The following KCNQ3 variants were observed in gnomAD, a reference collection of about 807,000 sequenced individuals.
KCNQ3 encodes potassium voltage-gated channel subfamily KQT member 3.
Under a neutral mutation model 92.5 loss-of-function variants are expected in KCNQ3, and 30 were observed. That is an observed-to-expected ratio of 0.32 (90% CI 0.24 to 0.44). KCNQ3 has a LOEUF of 0.44. Among genes scored for constraint, KCNQ3 ranks in the 20% least tolerant of loss-of-function variants. The pLI, the probability that KCNQ3 is intolerant of heterozygous loss-of-function variation, is 1.00. For missense variants in KCNQ3, 913 were observed against 1,140.3 expected (o/e 0.80, Z 2.87); for synonymous variants, 450 against 468.8 (o/e 0.96, Z 0.52).
intron 1 of KCNQ3, among the ~76,000 whole-genome samples, chr8:132,308,585 A>G (rs1817502481): frequency 6.6e-6 from 1 of 152,188 alleles, no homozygotes; most frequent in Non-Finnish European, 1.5e-5. Flanking sequence ...GAAATCAGAC[A>G]CTGTGATTCA....
chr8:132,155,575 G>A (rs1319373010), intron 9 of KCNQ3, among the ~76,000 whole-genome samples: 1 of 152,190 alleles, frequency 6.6e-6, no homozygotes, highest in Non-Finnish European at 1.5e-5. Context: ...ATATAGATGA[G>A]GAAACTGAAG....
chr8:132,190,189 C>T (rs998819127), intron 1 of KCNQ3, among the ~76,000 whole-genome samples: 5 of 152,122 alleles, frequency 3.3e-5, no homozygotes, highest in African/African-American at 4.8e-5. Context: ...CCCTGTACCT[C>T]GGATATGTAT....
intron 1 of KCNQ3, among the ~76,000 whole-genome samples, chr8:132,407,944 G>T (rs1181980402): frequency 6.6e-6 from 1 of 152,104 alleles, no homozygotes; most frequent in Non-Finnish European, 1.5e-5. Context: ...ATGGGGTGGA[G>T]GCTTCAATAA....
intron 1 of KCNQ3, among the ~76,000 whole-genome samples, chr8:132,310,092 C>T (rs894679196): frequency 6.6e-6 from 1 of 152,168 alleles, no homozygotes; most frequent in Non-Finnish European, 1.5e-5. Flanking sequence ...ATCTACTGGC[C>T]TCAGAATGTG....
intron 1 of KCNQ3, among the ~76,000 whole-genome samples, chr8:132,432,251 G>A (rs192730934): frequency 4.6e-5 from 7 of 151,804 alleles, no homozygotes; most frequent in Middle Eastern, 3.4e-3. Context: ...AATTGGAATC[G>A]AATTAATCAG....
At chr8:132,234,975 A>G (rs189003513) in intron 1 of KCNQ3, among the ~76,000 whole-genome samples, 12 of 152,358 alleles carry the variant, frequency 7.9e-5, no homozygotes. Context: ...TTATGAATAT[A>G]TTCAAAATCA....
chr8:132,187,262 G>C (rs1210961086), intron 1 of KCNQ3: 1 of 455,890 alleles, frequency 2.2e-6, no homozygotes, highest in Non-Finnish European at 4.4e-6. Flanking sequence ...TGCGCATACA[G>C]AGCTGGAATT....
At chr8:132,458,243 C>A (rs1279132284) in intron 1 of KCNQ3, among the ~76,000 whole-genome samples, 1 of 152,176 alleles carries the variant, frequency 6.6e-6, no homozygotes, top group Non-Finnish European at 1.5e-5. Flanking sequence ...TCCCAGCAAC[C>A]AACAACAGTT....
chr8:132,331,713 T>A (rs569187643), intron 1 of KCNQ3, among the ~76,000 whole-genome samples: 1 of 152,328 alleles, frequency 6.6e-6, no homozygotes, highest in African/African-American at 2.4e-5. Flanking sequence ...CATAGTATAA[T>A]GGGATATAAA....
chr8:132,441,896 T>TA (rs556366751), intron 1 of KCNQ3, among the ~76,000 whole-genome samples: 14 of 151,776 alleles, frequency 9.2e-5, no homozygotes, highest in South Asian at 2.1e-4. Flanking sequence ...TATGGAGCCA[T>TA]AAAAAAAATG....
chr8:132,391,779 C>T (rs564682596), intron 1 of KCNQ3, among the ~76,000 whole-genome samples: 1 of 152,192 alleles, frequency 6.6e-6, no homozygotes, highest in Non-Finnish European at 1.5e-5. Context: ...GCCAGCCAGC[C>T]TTCTGCACCA....
intron 1 of KCNQ3, among the ~76,000 whole-genome samples, chr8:132,291,732 C>T (rs991494135): frequency 1.3e-5 from 2 of 152,150 alleles, no homozygotes; most frequent in Non-Finnish European, 2.9e-5. Flanking sequence ...AGAGCCAAGG[C>T]CTCCAAATTG....
At chr8:132,132,097 AAAG>A in intron 14 of KCNQ3, 80 bp downstream of exon 14, 47 of 1,000,656 alleles carry the variant, frequency 4.7e-5, no homozygotes, top group Non-Finnish European at 6.4e-5. Flanking sequence ...TAAAAAAAAA[AAAG>A]AAAGAAAGAA....
chr8:132,345,488 T>A (rs1042652161), intron 1 of KCNQ3, among the ~76,000 whole-genome samples: 2 of 152,204 alleles, frequency 1.3e-5, no homozygotes. Context: ...TAACACCAGA[T>A]CAGGAAGACA....
intron 1 of KCNQ3, among the ~76,000 whole-genome samples, chr8:132,404,811 T>C (rs934813895): frequency 1.3e-5 from 2 of 152,212 alleles, no homozygotes; most frequent in Non-Finnish European, 2.9e-5. Context: ...GCACTTTATA[T>C]AAAGATCAGG....
chr8:132,249,594 A>G (rs960748223), intron 1 of KCNQ3, among the ~76,000 whole-genome samples: 1 of 152,174 alleles, frequency 6.6e-6, no homozygotes, highest in African/African-American at 2.4e-5. Flanking sequence ...AGCTGGCTTC[A>G]CCTAGTGGAT....
intron 1 of KCNQ3, among the ~76,000 whole-genome samples, chr8:132,456,730 G>A (rs1026064437): frequency 3.3e-5 from 5 of 151,908 alleles, no homozygotes; most frequent in Non-Finnish European, 4.4e-5. Flanking sequence ...TCCTGCCTCA[G>A]CCTCCTCAGT....
At chr8:132,462,489 T>C (rs1415563845) in intron 1 of KCNQ3, among the ~76,000 whole-genome samples, 1 of 152,198 alleles carries the variant, frequency 6.6e-6, no homozygotes, top group African/African-American at 2.4e-5. Flanking sequence ...CACCCAGCTG[T>C]GAATTGTACA....
intron 9 of KCNQ3, among the ~76,000 whole-genome samples, chr8:132,152,691 G>A (rs193144922): frequency 1.3e-5 from 2 of 152,224 alleles, no homozygotes; most frequent in Admixed American, 1.3e-4. Context: ...CTGACCTGTG[G>A]TCAGTAAAAA....
Sources: gnomAD v4.1 joint callset for allele counts (sites outside exome capture counted in the v4.1 genomes callset) on GRCh38, gnomAD v4.1.1 for gene constraint, MANE v1.5 for transcripts, NCBI Gene and HGNC (gene_info 2026-07-23, HGNC 2026-07-21) for gene names.